WDPCP: variants seen among roughly 807,000 people sequenced by gnomAD.
The protein encoded by WDPCP is WD repeat containing planar cell polarity effector.
Under a neutral mutation model 93.1 loss-of-function variants are expected in WDPCP, and 71 were observed. The observed-to-expected ratio is 0.76, with a 90% CI of 0.63 to 0.93. WDPCP has a LOEUF of 0.93. Among genes scored for constraint, WDPCP ranks in the 40% least tolerant of loss-of-function variants. The pLI, the probability that WDPCP is intolerant of heterozygous loss-of-function variation, is 0.00. For synonymous variants in WDPCP, 315 were observed against 315.0 expected (o/e 1.00, Z 0.00); for missense variants, 844 against 887.4 (o/e 0.95, Z 0.62).
chr2:63,759,662 A>G (rs534717220), intron 2 of WDPCP, among the ~76,000 whole-genome samples: 2 of 152,346 alleles, frequency 1.3e-5, no homozygotes, highest in African/African-American at 4.8e-5. Context: ...CCCCTGCCCC[A>G]ACATGATACA....
At chr2:63,159,037 T>A (rs958178230) in intron 15 of WDPCP, among the ~76,000 whole-genome samples, 7 of 147,266 alleles carry the variant, frequency 4.8e-5, no homozygotes, top group African/African-American at 1.8e-4. Context: ...GCCCCTGTAG[T>A]CCCAGCTCTT....
intron 1 of WDPCP, among the ~76,000 whole-genome samples, chr2:63,823,803 A>G (rs1469476803): frequency 6.6e-6 from 1 of 152,222 alleles, no homozygotes; most frequent in Admixed American, 6.5e-5. Context: ...GATAAATGTG[A>G]ACTGTAGAAT....
At chr2:63,418,926 C>T (rs1267521736) in intron 9 of WDPCP, among the ~76,000 whole-genome samples, 1 of 152,104 alleles carries the variant, frequency 6.6e-6, no homozygotes, top group Non-Finnish European at 1.5e-5. Flanking sequence ...GGAGGGAAGA[C>T]TGTTACACAA....
At chr2:63,636,284 G>T (rs191084955) in intron 3 of WDPCP, among the ~76,000 whole-genome samples, 1 of 152,226 alleles carries the variant, frequency 6.6e-6, no homozygotes, top group Non-Finnish European at 1.5e-5. Flanking sequence ...TATCCAAAGT[G>T]ATCAATAGAT....
chr2:63,656,193 C>G (rs6751759), intron 2 of WDPCP, among the ~76,000 whole-genome samples: 1 of 152,192 alleles, frequency 6.6e-6, no homozygotes, highest in South Asian at 2.1e-4. Flanking sequence ...TCCCAAGTAG[C>G]ACTTTTGACC....
At chr2:63,731,271 A>G (rs1221979725) in intron 2 of WDPCP, among the ~76,000 whole-genome samples, 1 of 151,762 alleles carries the variant, frequency 6.6e-6, no homozygotes, top group African/African-American at 2.4e-5. Flanking sequence ...CCGTCTCAAA[A>G]AAAAAAAAAA....
chr2:63,556,273 A>C (rs1447631351), intron 1 of WDPCP, among the ~76,000 whole-genome samples: 1 of 152,246 alleles, frequency 6.6e-6, no homozygotes, highest in Non-Finnish European at 1.5e-5. Context: ...TCTTGCTGAA[A>C]TAAGAAAGGC....
chr2:63,503,401 G>C (rs1360574614), intron 1 of WDPCP, among the ~76,000 whole-genome samples: 1 of 152,002 alleles, frequency 6.6e-6, no homozygotes, highest in Non-Finnish European at 1.5e-5. Flanking sequence ...ATCCCAAAGA[G>C]ACTTGTATCT....
At chr2:63,443,529 G>A (rs1306615022) in intron 6 of WDPCP, among the ~76,000 whole-genome samples, 4 of 152,152 alleles carry the variant, frequency 2.6e-5, no homozygotes, top group Admixed American at 1.3e-4. Context: ...CTGGAGGGGA[G>A]TAAGTGAAAG....
chr2:63,807,427 C>T (rs1354673249), intron 2 of WDPCP, among the ~76,000 whole-genome samples: 1 of 152,206 alleles, frequency 6.6e-6, no homozygotes, highest in African/African-American at 2.4e-5. Flanking sequence ...TGCCTGCTCC[C>T]TCTTTGCCTT....
At chr2:63,314,520 G>A (rs1415794805) in intron 12 of WDPCP, among the ~76,000 whole-genome samples, 1 of 151,906 alleles carries the variant, frequency 6.6e-6, no homozygotes, top group South Asian at 2.1e-4. Flanking sequence ...TGCCCCTTTG[G>A]TCCCATCTAA....
intron 17 of WDPCP, among the ~76,000 whole-genome samples, chr2:63,148,936 T>G (rs1491001088): frequency 1.3e-5 from 2 of 150,924 alleles, no homozygotes; most frequent in African/African-American, 4.9e-5. Flanking sequence ...GGTAAAAACT[T>G]TAATAAAAGG....
At chr2:63,775,398 G>C (rs535820105) in intron 2 of WDPCP, among the ~76,000 whole-genome samples, 1 of 152,306 alleles carries the variant, frequency 6.6e-6, no homozygotes, top group South Asian at 2.1e-4. Flanking sequence ...TACTGTTGCT[G>C]TCTACAACAC....
chr2:63,400,237 C>T (rs1694043060), intron 10 of WDPCP, among the ~76,000 whole-genome samples: 1 of 152,080 alleles, frequency 6.6e-6, no homozygotes, highest in South Asian at 2.1e-4. Context: ...AGTGAATCAT[C>T]ATAATAACAT....
chr2:63,375,659 G>T (rs944253991), intron 12 of WDPCP, among the ~76,000 whole-genome samples: 12 of 151,828 alleles, frequency 7.9e-5, no homozygotes, highest in African/African-American at 2.7e-4. Context: ...GTAAAGCAAT[G>T]TCTATAGAAT....
intron 14 of WDPCP, among the ~76,000 whole-genome samples, chr2:63,232,242 A>G (rs151194249): frequency 6.6e-6 from 1 of 152,348 alleles, no homozygotes; most frequent in African/African-American, 2.4e-5. Flanking sequence ...AAGCAAACGT[A>G]GGAAATACCA....
chr2:63,714,428 T>C (rs1160197920), intron 2 of WDPCP, among the ~76,000 whole-genome samples: 2 of 152,148 alleles, frequency 1.3e-5, no homozygotes, highest in Non-Finnish European at 2.9e-5. Flanking sequence ...CCTTATAAGA[T>C]AAGTTCATTT....
At chr2:63,182,146 C>T (rs1425255250) in intron 14 of WDPCP, among the ~76,000 whole-genome samples, 1 of 152,046 alleles carries the variant, frequency 6.6e-6, no homozygotes, top group Admixed American at 6.6e-5. Flanking sequence ...TTTATTTCTT[C>T]TCTTGCCTGA....
intron 1 of WDPCP, among the ~76,000 whole-genome samples, chr2:63,575,485 A>ACACTG (rs1157089103): frequency 0.042 from 2,166 of 52,046 alleles, 784 homozygotes; most frequent in Middle Eastern, 0.083. Flanking sequence ...TACAGTGTAT[A>ACACTG]TATAGTATAT....
Sources: gnomAD v4.1 joint callset for allele counts (sites outside exome capture counted in the v4.1 genomes callset) on GRCh38, gnomAD v4.1.1 for gene constraint, MANE v1.5 for transcripts, NCBI Gene and HGNC (gene_info 2026-07-23, HGNC 2026-07-21) for gene names.